The following CNIH3 variants were observed in gnomAD, a reference collection of about 807,000 sequenced individuals.
CNIH3 encodes the protein protein cornichon homolog 3.
A neutral mutation model predicts 24.1 loss-of-function variants in CNIH3; 14 were observed. The ratio of observed to expected loss-of-function variants is 0.58; its 90% CI spans 0.38 to 0.91. The LOEUF is 0.91. CNIH3 is among the 40% of genes least tolerant of loss of function. CNIH3 has a pLI of 0.00. For missense variants in CNIH3, 178 were observed against 196.8 expected (o/e 0.90, Z 0.57); for synonymous variants, 68 against 73.8 (o/e 0.92, Z 0.40).
chr1:224,656,434 A>T (rs1685098316), intron 1 of CNIH3, among the ~76,000 whole-genome samples: 1 of 152,226 alleles, frequency 6.6e-6, no homozygotes, highest in African/African-American at 2.4e-5. Context: ...CCTGATTCAT[A>T]CATCCCACAT....
intron 1 of CNIH3, among the ~76,000 whole-genome samples, chr1:224,658,278 A>C (rs575974443): frequency 2.2e-4 from 34 of 152,202 alleles, no homozygotes; most frequent in African/African-American, 8.2e-4. Context: ...CAGTCCTACA[A>C]CCTTAGCCTC....
At chr1:224,462,897 C>CTTTTTT (rs71572901) in intron 1 of CNIH3, among the ~76,000 whole-genome samples, 5 of 73,416 alleles carry the variant, frequency 6.8e-5, no homozygotes, top group African/African-American at 1.1e-4. Context: ...ATATGTTTAA[C>CTTTTTT]TTTTTTTTTT....
At chr1:224,484,370 C>T (rs938871423) in intron 1 of CNIH3, among the ~76,000 whole-genome samples, 1 of 151,502 alleles carries the variant, frequency 6.6e-6, no homozygotes, top group Non-Finnish European at 1.5e-5. Context: ...GCGGAGCTTG[C>T]AGTGAGCCGA....
intron 1 of CNIH3, among the ~76,000 whole-genome samples, chr1:224,492,483 A>G (rs953933869): frequency 5.3e-5 from 8 of 152,242 alleles, no homozygotes; most frequent in African/African-American, 1.9e-4. Flanking sequence ...TACATGACGT[A>G]AAGGTGAAGG....
intron 1 of CNIH3, among the ~76,000 whole-genome samples, chr1:224,651,923 A>G (rs540766972): frequency 6.6e-6 from 1 of 152,290 alleles, no homozygotes; most frequent in South Asian, 2.1e-4. Context: ...TTATCAGTTC[A>G]CATTTTCACC....
chr1:224,636,339 C>T (rs1239576985), intron 1 of CNIH3, among the ~76,000 whole-genome samples: 1 of 152,224 alleles, frequency 6.6e-6, no homozygotes, highest in East Asian at 1.9e-4. Context: ...CCTAAGATCA[C>T]CTGGTTCTGT....
chr1:224,710,619 C>T (rs1688086740), intron 3 of CNIH3, among the ~76,000 whole-genome samples: 1 of 152,178 alleles, frequency 6.6e-6, no homozygotes, highest in African/African-American at 2.4e-5. Flanking sequence ...TTTTTTCAAA[C>T]ACCCATTTTC....
At chr1:224,617,611 C>T (rs924823030) in intron 1 of CNIH3, among the ~76,000 whole-genome samples, 1 of 152,250 alleles carries the variant, frequency 6.6e-6, no homozygotes, top group Admixed American at 6.5e-5. Flanking sequence ...CCGTCGGTCC[C>T]GGCAATTAGT....
At chr1:224,568,707 T>C (rs898360401) in intron 4 of CNIH3, among the ~76,000 whole-genome samples, 1 of 152,000 alleles carries the variant, frequency 6.6e-6, no homozygotes, top group Admixed American at 6.6e-5. Context: ...TGAACCTTGA[T>C]CACGTCATTG....
chr1:224,638,635 C>G (rs1684207995), intron 1 of CNIH3, among the ~76,000 whole-genome samples: 1 of 152,156 alleles, frequency 6.6e-6, no homozygotes, highest in South Asian at 2.1e-4. Context: ...TGTTATCTCT[C>G]AGGAAGGCTT....
chr1:224,702,537 G>A (rs975131822), intron 3 of CNIH3, among the ~76,000 whole-genome samples: 5 of 152,210 alleles, frequency 3.3e-5, no homozygotes, highest in Admixed American at 3.3e-4. Flanking sequence ...TGTTGCAGAG[G>A]CGGCCTTCTG....
chr1:224,640,616 C>T (rs1684309400), intron 1 of CNIH3, among the ~76,000 whole-genome samples: 1 of 152,128 alleles, frequency 6.6e-6, no homozygotes, highest in South Asian at 2.1e-4. Context: ...ATTCTCTGCT[C>T]ATTAGTTTCT....
chr1:224,465,077 A>T (rs1001490595), intron 1 of CNIH3, among the ~76,000 whole-genome samples: 2 of 151,664 alleles, frequency 1.3e-5, no homozygotes, highest in Non-Finnish European at 2.9e-5. Flanking sequence ...TAGAGATGTA[A>T]GCTGAGGCAC....
chr1:224,732,687 G>A (rs1474437263), intron 4 of CNIH3, among the ~76,000 whole-genome samples: 1 of 152,114 alleles, frequency 6.6e-6, no homozygotes, highest in Non-Finnish European at 1.5e-5. Context: ...CTTCAAGTAG[G>A]GGGCTGTCAA....
In CNIH3 at chr1:224,684,421, C is replaced by T. The variant is rs752339695; in HGVS notation, c.151-375C>T. Among the ~76,000 whole-genome samples, 5 of 152,158 alleles carry T rather than the reference C, an allele frequency of 3.3e-5. No homozygotes were observed. The highest frequency in any genetic ancestry group is 7.4e-5 in the Non-Finnish European group (5 of 68,026). On this transcript the variant is annotated intron_variant, in intron 2 of 5. Coordinates refer to ENST00000272133, the MANE Select transcript of CNIH3 (RefSeq NM_152495.2). This position sits in a 1 kb window ranked among gnomAD's most constrained non-coding sequence, Gnocchi z 4.2. ...AAGTGGGAAGGCCTCCTGGGAGGGCCGGCTGCAGGCTTTAGGATGCTCCAT... is the reference window on the plus strand; with the variant it reads ...AAGTGGGAAGGCCTCCTGGGAGGGCTGGCTGCAGGCTTTAGGATGCTCCAT...
chr1:224,604,216 T>C lies in CNIH3; in HGVS notation n.402+37952T>C, dbSNP rs74149617. ...AATTATTAATAAATTCTACTGATTA[T>C]TGCAATAGCCGTTATATGATTTGCC... is the stretch of plus-strand genomic sequence containing the variant. On this transcript the variant is annotated intron_variant and non_coding_transcript_variant, in intron 3 of 7. Transcript: ENST00000478120. This position sits in a 1 kb window ranked among gnomAD's most constrained non-coding sequence, Gnocchi z 4.4. Among the ~76,000 whole-genome samples, 3,975 of 152,374 alleles carry C rather than the reference T, an allele frequency of 0.026. 179 individuals are homozygous for C. Among genetic ancestry groups the C allele is most frequent in the African/African-American group, 0.09 (3,758 of 41,580 alleles).
intron 1 of CNIH3, among the ~76,000 whole-genome samples, chr1:224,633,510 A>T (rs1683932445): frequency 6.6e-6 from 1 of 152,178 alleles, no homozygotes; most frequent in African/African-American, 2.4e-5. Flanking sequence ...AAAGGAATTT[A>T]TGGGAAGGGA....
chr1:224,661,296 G>T, intron 1 of CNIH3: 3 of 289,156 alleles, frequency 1.0e-5, no homozygotes, highest in Non-Finnish European at 2.1e-5. Context: ...TAATTTTTTT[G>T]CCATTAACCA....
At chr1:224,664,680 G>A (rs183894764) in intron 1 of CNIH3, 1 of 152,304 alleles carries the variant, frequency 6.6e-6, no homozygotes, top group East Asian at 1.9e-4. Flanking sequence ...TATGGACAAG[G>A]ACAGCTAAGT....
Sources: allele counts gnomAD v4.1 joint callset (sites outside exome capture counted in the v4.1 genomes callset), GRCh38; gene constraint gnomAD v4.1.1; non-coding constraint Gnocchi (gnomAD v3.1); transcripts MANE v1.5; gene names NCBI Gene and HGNC (gene_info 2026-07-23, HGNC 2026-07-21).